NRXN3: variants seen among roughly 807,000 people sequenced by gnomAD.
NRXN3 encodes neurexin III.
NRXN3 carries 32 observed loss-of-function variants against 137.6 expected under a neutral mutation model. The observed-to-expected ratio is 0.23, with a 90% CI of 0.18 to 0.31. The LOEUF is 0.31. Among genes scored for constraint, NRXN3 ranks in the 10% least tolerant of loss-of-function variants. The pLI, the probability that NRXN3 is intolerant of heterozygous loss-of-function variation, is 1.00. For missense variants in NRXN3, 1,574 were observed against 2,062.5 expected, an observed-to-expected ratio of 0.76 and a Z score of 4.59; for synonymous variants, 798 against 784.5, an observed-to-expected ratio of 1.02 and a Z score of -0.29.
At chr14:78,203,081 G>A (rs1215728512) in intron 1 of NRXN3, among the ~76,000 whole-genome samples, 1 of 152,126 alleles carries the variant, frequency 6.6e-6, no homozygotes, top group Non-Finnish European at 1.5e-5. Flanking sequence ...GAGTCCCCAT[G>A]CCTTTCTCTT....
intron 4 of NRXN3, among the ~76,000 whole-genome samples, chr14:78,386,923 G>C (rs947623134): frequency 1.3e-5 from 2 of 152,002 alleles, no homozygotes; most frequent in African/African-American, 4.8e-5. Flanking sequence ...GGGACTACAG[G>C]CATGCACCAC....
intron 10 of NRXN3, among the ~76,000 whole-genome samples, chr14:78,913,343 A>C (rs2099245992): frequency 8.0e-6 from 1 of 124,612 alleles, no homozygotes; most frequent in Non-Finnish European, 1.6e-5. Flanking sequence ...GTAGTGGCGC[A>C]ATCTCAGTCC....
intron 15 of NRXN3, among the ~76,000 whole-genome samples, chr14:79,024,300 C>A (rs555982402): frequency 1.3e-5 from 2 of 152,190 alleles, no homozygotes; most frequent in Admixed American, 1.3e-4. Context: ...TTTTTCTTCT[C>A]ACCTGTGTGC....
At chr14:78,524,808 T>C (rs2096352469) in intron 4 of NRXN3, among the ~76,000 whole-genome samples, 1 of 152,068 alleles carries the variant, frequency 6.6e-6, no homozygotes, top group African/African-American at 2.4e-5. Context: ...CTAGGCAAAA[T>C]GTTTTAAAAT....
At chr14:78,939,778 AT>A (rs2099349452) in intron 10 of NRXN3, among the ~76,000 whole-genome samples, 1 of 152,162 alleles carries the variant, frequency 6.6e-6, no homozygotes, top group African/African-American at 2.4e-5. Context: ...CTGTACTTTC[AT>A]CCCTTTCTAT....
At chr14:78,608,517 A>G (rs575752803) in intron 4 of NRXN3, among the ~76,000 whole-genome samples, 2 of 152,308 alleles carry the variant, frequency 1.3e-5, no homozygotes, top group South Asian at 4.1e-4. Context: ...CACTAGTGGG[A>G]CATTGTTTAG....
chr14:79,634,366 C>G (rs572644721), intron 16 of NRXN3, among the ~76,000 whole-genome samples: 1 of 152,112 alleles, frequency 6.6e-6, no homozygotes, highest in African/African-American at 2.4e-5. Flanking sequence ...TTTCCAATAG[C>G]TTTTGATAGG....
In NRXN3 at chr14:78,808,355, C is replaced by T. The variant is rs537545940; in HGVS notation, c.2249-1963C>T. 5.3e-5 allele frequency among the ~76,000 whole-genome samples: 8 copies of T among 152,312 alleles called. No homozygotes were observed. In the South Asian group the frequency reaches 1.2e-3, roughly 24 times the overall value. On this transcript the variant is annotated intron_variant, in intron 9 of 20. Transcript: ENST00000335750. The stretch of plus-strand genomic sequence containing the variant: ...TCTAATAATAAAATCCTCAGCTATG[C>T]AGAAGCCGAAGACAAAACCCACTTG...
chr14:78,943,303 C>T (rs1313714275), intron 10 of NRXN3, among the ~76,000 whole-genome samples: 1 of 151,958 alleles, frequency 6.6e-6, no homozygotes, highest in Non-Finnish European at 1.5e-5. Flanking sequence ...GTTCCTTATG[C>T]TTGGCGATTT....
chr14:78,556,891 C>T (rs2096742458), intron 4 of NRXN3, among the ~76,000 whole-genome samples: 1 of 139,198 alleles, frequency 7.2e-6, no homozygotes, highest in Non-Finnish European at 1.6e-5. Flanking sequence ...CCCTCTTCTC[C>T]TCTCCTCTCC....
intron 15 of NRXN3, among the ~76,000 whole-genome samples, chr14:79,132,618 A>C (rs1367654176): frequency 1.3e-5 from 2 of 152,194 alleles, no homozygotes; most frequent in Non-Finnish European, 2.9e-5. Flanking sequence ...TAGATCGTTT[A>C]TTAGCTTAGG....
intron 4 of NRXN3, among the ~76,000 whole-genome samples, chr14:78,357,449 G>A (rs1258136870): frequency 2.0e-5 from 3 of 152,130 alleles, no homozygotes; most frequent in Non-Finnish European, 4.4e-5. Context: ...GGGACACAGA[G>A]CCATATCATA....
At chr14:78,531,400 A>G (rs1284087106) in intron 4 of NRXN3, among the ~76,000 whole-genome samples, 1 of 152,246 alleles carries the variant, frequency 6.6e-6, no homozygotes. Context: ...TTTGCATACC[A>G]CAATGAGAAT....
intron 15 of NRXN3, among the ~76,000 whole-genome samples, chr14:79,079,639 G>A (rs1339354368): frequency 2.6e-5 from 4 of 152,050 alleles, no homozygotes; most frequent in Admixed American, 1.3e-4. Flanking sequence ...TGGTATTAAT[G>A]TTTCTGCCTC....
intron 15 of NRXN3, among the ~76,000 whole-genome samples, chr14:79,114,825 G>A (rs1435195117): frequency 6.6e-6 from 1 of 152,076 alleles, no homozygotes; most frequent in South Asian, 2.1e-4. Flanking sequence ...ATGGCACCCA[G>A]CAAAGAATGG....
At chr14:79,500,509 T>A (rs1455331397) in intron 16 of NRXN3, among the ~76,000 whole-genome samples, 1 of 152,206 alleles carries the variant, frequency 6.6e-6, no homozygotes, top group Non-Finnish European at 1.5e-5. Flanking sequence ...TATGCATCAC[T>A]TGTCAACTAT....
chr14:79,183,361 ATT>A (rs1251151970), intron 15 of NRXN3, among the ~76,000 whole-genome samples: 1 of 152,108 alleles, frequency 6.6e-6, no homozygotes, highest in Non-Finnish European at 1.5e-5. Flanking sequence ...TTGACTGTTA[ATT>A]AGCTCAGTGG....
At chr14:78,492,496 T>C (rs2095687263) in intron 4 of NRXN3, among the ~76,000 whole-genome samples, 1 of 152,168 alleles carries the variant, frequency 6.6e-6, no homozygotes, top group African/African-American at 2.4e-5. Flanking sequence ...AAGCACTAGG[T>C]ATAGTTTTTA....
chr14:79,588,053 C>T (rs757404812), intron 16 of NRXN3, among the ~76,000 whole-genome samples: 3 of 152,140 alleles, frequency 2.0e-5, no homozygotes, highest in Non-Finnish European at 4.4e-5. Flanking sequence ...TAGGCTATTT[C>T]AGATTCATTT....
Sources: allele counts gnomAD v4.1 joint callset (sites outside exome capture counted in the v4.1 genomes callset), GRCh38; gene constraint gnomAD v4.1.1; transcripts MANE v1.5; gene names NCBI Gene and HGNC (gene_info 2026-07-23, HGNC 2026-07-21).